The following NOXO1 variants were observed in gnomAD, a reference collection of about 807,000 sequenced individuals.
NOXO1 encodes NADPH oxidase organizer 1, also known as NADPH oxidase regulatory protein.
NOXO1 carries 38 observed loss-of-function variants against 33.3 expected under a neutral mutation model. The observed-to-expected ratio is 1.14, with a 90% confidence interval of 0.88 to 1.50. The LOEUF (loss-of-function observed/expected upper bound fraction) is 1.50, where lower values mean the gene tolerates loss of function less well. Among genes scored for constraint, NOXO1 ranks in the 40% most tolerant of loss-of-function variants. The pLI is 0.00. For missense variants in NOXO1, 675 were observed against 527.1 expected, an observed-to-expected ratio of 1.28 and a Z score of -2.75; for synonymous variants, 302 against 237.3, an observed-to-expected ratio of 1.27 and a Z score of -2.51.
At chr16:1,979,657 C>G in intron 6 of NOXO1, 115 bp from the exon 7 acceptor site, 3 of 1,202,656 alleles carry the variant, frequency 2.5e-6, no homozygotes, top group Non-Finnish European at 3.5e-6. Flanking sequence ...GCTCTAAGAC[C>G]GGTTCGGGGC....
intron 6 of NOXO1, 104 bp downstream of exon 6, chr16:1,979,686 C>T (rs2083457787): frequency 8.4e-7 from 1 of 1,196,418 alleles, no homozygotes; most frequent in African/African-American, 1.5e-5. Context: ...GGTGCGGAGA[C>T]CAAGCACGGG....
In NOXO1 at chr16:1,980,708, C is replaced by T. The variant is rs750823818; in HGVS notation, c.171G>A (p.Pro57=). 9 of 1,605,432 alleles carry T rather than the reference C, an allele frequency of 5.6e-6. No homozygotes were observed. Among genetic ancestry groups the T allele is most frequent in the Non-Finnish European group, 8.5e-7 (1 of 1,176,418 alleles). The change falls in exon 3 of 8, where the codon CCG becomes CCA. Residue 57 remains proline, a synonymous_variant. Coordinates refer to ENST00000356120, the MANE Select transcript of NOXO1 (RefSeq NM_172167.3). Reference sequence around the variant, plus strand: ...ATCTCCGCAGCAGGCCCGCCTCCACCGGGAAGGTCTCCTTGAGGGTCTTCT... The same window carrying T: ...ATCTCCGCAGCAGGCCCGCCTCCACTGGGAAGGTCTCCTTGAGGGTCTTCT... The part of the protein sequence containing the change: ...QLKKTLKETF[P]VEAGLLRRSD...
chr16:1,980,283 A>G, intron 4 of NOXO1, 84 bp downstream of exon 4: 3 of 1,518,720 alleles, frequency 2.0e-6, no homozygotes, highest in Middle Eastern at 4.8e-4. Flanking sequence ...CTCTGCCCCT[A>G]TTCGCTGGCT....
chr16:1,979,731 C>T (rs2083458728), intron 6 of NOXO1, 59 bp downstream of exon 6: 3 of 1,358,732 alleles, frequency 2.2e-6, no homozygotes, highest in South Asian at 2.8e-5. Context: ...GCTTCTGGCC[C>T]AGTCTTGCCA....
At chr16:1,979,763 G>C (rs2083459232) in intron 6 of NOXO1, 27 bp downstream of exon 6, 10 of 1,465,948 alleles carry the variant, frequency 6.8e-6, no homozygotes, top group Non-Finnish European at 9.2e-6. Flanking sequence ...CGCAGTGGTG[G>C]CGTGAGGGGT....
rs1469468381 is a variant in NOXO1 at position 1,980,920 on chromosome 16, G to A, written c.147+19C>T. 1.9e-6 allele frequency: 3 copies of A among 1,608,392 alleles called. No individual in the cohort carries two copies. Among genetic ancestry groups the A allele is most frequent in the Admixed American group, 1.7e-5 (1 of 59,986 alleles). On this transcript the variant is annotated intron_variant, in intron 2 of 7. Coordinates refer to ENST00000356120, the MANE Select transcript of NOXO1 (RefSeq NM_172167.3). ...GGGAAGCCGCCACCGCGGCATCAGGGTGGCCCAGGGTCACTCACCTTGAGC... is the reference window on the plus strand; with the variant it reads ...GGGAAGCCGCCACCGCGGCATCAGGATGGCCCAGGGTCACTCACCTTGAGC...
rs374290560 is a variant in NOXO1 at position 1,980,018 on chromosome 16, C to G, written c.565G>C (p.Val189Leu). The G allele has an allele frequency of 5.0e-6, 8 of 1,605,728 alleles. No individual in the cohort carries two copies. In the African/African-American group the frequency reaches 9.3e-5, roughly 19 times the overall value. The change falls in exon 5 of 8, where the codon GTG (valine) becomes CTG (leucine). Residue 189 changes from valine to leucine, a missense_variant. Val to Leu is a conservative substitution (Grantham distance 32). Coordinates refer to ENST00000356120, the MANE Select transcript of NOXO1 (RefSeq NM_172167.3). ...CTACCTGAGGGGTGCCGCAGCAGCA[C>G]GTCCAGGCTCTCCTGGGCCTGCGCC... ...FQAQAQESLD[V>L]LLRHPSGWWL...
chr16:1,979,776 G>A lies in NOXO1; in HGVS notation c.700+14C>T, dbSNP rs1424004505. ...GCCGCAGTGGTGGCGTGAGGGGTGG[G>A]GTTAGGCGCATACCGCTGCTCCCTA... is the stretch of plus-strand genomic sequence containing the variant. On this transcript the variant is annotated intron_variant, in intron 6 of 7. Coordinates refer to ENST00000356120, the MANE Select transcript of NOXO1 (RefSeq NM_172167.3). 2.6e-6 allele frequency: 4 copies of A among 1,512,194 alleles called. No individual in the cohort carries two copies. Among genetic ancestry groups the A allele is most frequent in the Non-Finnish European group, 3.6e-6 (4 of 1,123,744 alleles). 93.7% of individuals were successfully genotyped at this position (1,512,194 alleles called of 1,614,324 possible).
At position 1,979,297 on chromosome 16, in the gene NOXO1, G is replaced by GCC; in HGVS notation, c.869_870dup (p.Leu291GlyfsTer6). ...CCCGTCCCGCTCAGGAGAGCGCCCA[G>GCC]CCCTTCCGGCCGCAGCAGCACCGCG... On this transcript the variant is annotated frameshift_variant, in exon 8 of 8. Transcript: ENST00000356120. LOFTEE classifies it low-confidence loss of function (END_TRUNC). 1 of 1,564,382 alleles carries GCC rather than the reference G, an allele frequency of 6.4e-7. No homozygotes were observed. The highest frequency in any genetic ancestry group is 8.6e-7 in the Non-Finnish European group (1 of 1,162,790).
At chr16:1,980,816 G>A (rs1567332160) in intron 2 of NOXO1, 85 bp from the exon 3 acceptor site, 2 of 1,484,030 alleles carry the variant, frequency 1.3e-6, no homozygotes, top group South Asian at 2.4e-5. Flanking sequence ...GATGGCAGGG[G>A]CTGGGAGCTT....
intron 4 of NOXO1, 66 bp from the exon 5 acceptor site, chr16:1,980,247 C>T: frequency 3.9e-6 from 6 of 1,524,630 alleles, no homozygotes; most frequent in Non-Finnish European, 4.4e-6. Flanking sequence ...GGGGCGCCAC[C>T]CCGGCAAGAC....
Position 1,981,438 on chromosome 16 carries a change from T to G in NOXO1, c.-259A>C. 1.2e-6 allele frequency: 1 copy of G among 860,922 alleles called. No homozygotes were observed. The allele number at this position is 860,922 out of a possible 1,614,324, so 53.3% of individuals were successfully genotyped here. On this transcript the variant is annotated 5_prime_UTR_variant, in exon 1 of 8. Coordinates refer to ENST00000356120, the MANE Select transcript of NOXO1 (RefSeq NM_172167.3). ...GAGCTGCTGGGAGGAAGAAGAAGAA[T>G]GAGCTTTCCAGCCCTGGAGGCGTGC... is the stretch of plus-strand genomic sequence containing the variant.
At position 1,980,176 on chromosome 16, in the gene NOXO1, AC is replaced by A. The variant is rs1277622717; in HGVS notation, c.406del (p.Val136Ter). 6.3e-7 allele frequency: 1 copy of A among 1,598,592 alleles called. No individual in the cohort carries two copies. Among genetic ancestry groups the A allele is most frequent in the Non-Finnish European group, 8.5e-7 (1 of 1,175,628 alleles). On this transcript the variant is annotated frameshift_variant, in exon 5 of 8. Transcript: ENST00000356120. LOFTEE classifies it high-confidence loss of function. ...CTGCTCCTCTGGGGTGGGCAGGATC[AC>A]CCGGCTGGGAAGGGCAGCCCGTACG... Reference protein sequence around the residue: ...LEPALPPGSRVILPTPEEQPL... With the variant: ...LEPALPPGSRXILPTPEEQPL...
chr16:1,978,923 A>T lies in NOXO1; in HGVS notation c.*129T>A. On this transcript the variant is annotated 3_prime_UTR_variant, in exon 8 of 8. Coordinates refer to ENST00000356120, the MANE Select transcript of NOXO1 (RefSeq NM_172167.3). ...CACGCTTAGACGGTGGGGGTCATGC[A>T]GAACAAGCTTTACTCAGAGGAACAG... is the stretch of plus-strand genomic sequence containing the variant. The T allele has an allele frequency of 8.9e-7, 1 of 1,125,262 alleles. No individual in the cohort carries two copies. The highest frequency in any genetic ancestry group is 1.2e-6 in the Non-Finnish European group (1 of 800,842). 69.7% of individuals were successfully genotyped at this position (1,125,262 alleles called of 1,614,324 possible). A position where few individuals can be genotyped will look rare whatever the true frequency, so the allele number is the denominator to read the frequency against.
rs1472147274 is a variant in NOXO1, at chr16:1,979,772, G to A, written c.700+18C>T. 3.3e-5 allele frequency: 50 copies of A among 1,495,088 alleles called. No individual in the cohort carries two copies. Among genetic ancestry groups the A allele is most frequent in the Non-Finnish European group, 4.4e-5 (49 of 1,112,756 alleles). The allele number at this position is 1,495,088 out of a possible 1,614,324, so 92.6% of individuals were successfully genotyped here. On this transcript the variant is annotated intron_variant, in intron 6 of 7. Transcript: ENST00000356120. ...TCAAGCCGCAGTGGTGGCGTGAGGG[G>A]TGGGGTTAGGCGCATACCGCTGCTC...
Position 1,981,341 on chromosome 16 carries a change from T to C in NOXO1, c.-162A>G. On this transcript the variant is annotated 5_prime_UTR_variant, in exon 1 of 8. Coordinates refer to ENST00000356120, the MANE Select transcript of NOXO1 (RefSeq NM_172167.3). ...GTGGAGCCGCCCCAGCTGAGTCCTT[T>C]GCAGCTTTCTTGCTGTCCCCCAAGC... The C allele has an allele frequency of 7.0e-7, 1 of 1,435,382 alleles. No homozygotes were observed. Among genetic ancestry groups the C allele is most frequent in the African/African-American group, 1.4e-5 (1 of 69,834 alleles). 88.9% of individuals were successfully genotyped at this position (1,435,382 alleles called of 1,614,324 possible). A position where few individuals can be genotyped will look rare whatever the true frequency, so the allele number is the denominator to read the frequency against.
rs2083451429 is a variant in NOXO1 at position 1,979,459 on chromosome 16, A to G, written c.784T>C (p.Leu262=). 2.5e-6 allele frequency: 4 copies of G among 1,611,364 alleles called. No individual in the cohort carries two copies. The highest frequency in any genetic ancestry group is 3.3e-5 in the Admixed American group (2 of 59,932). ...SVPAGARVRV[L]ETSDRGWWLC... ...CACCAGCCGCGGTCTGACGTTTCCA[A>G]CACGCGCACGCGCGCCCCCGCGGGC... Residue 262 remains leucine, a synonymous_variant, in exon 7 of 8, where the codon TTG becomes CTG. Coordinates refer to ENST00000356120, the MANE Select transcript of NOXO1 (RefSeq NM_172167.3).
chr16:1,981,337 C>T lies in NOXO1; in HGVS notation c.-158G>A. ...CCTTGTGGAGCCGCCCCAGCTGAGT[C>T]CTTTGCAGCTTTCTTGCTGTCCCCC... On this transcript the variant is annotated 5_prime_UTR_variant, in exon 1 of 8. Transcript: ENST00000356120. 1.4e-6 allele frequency: 2 copies of T among 1,437,802 alleles called. No individual in the cohort carries two copies. The highest frequency in any genetic ancestry group is 2.5e-5 in the East Asian group (1 of 40,018). The allele number at this position is 1,437,802 out of a possible 1,614,324, so 89.1% of individuals were successfully genotyped here.
chr16:1,981,342 G>C lies in NOXO1; in HGVS notation c.-163C>G, dbSNP rs544799722. On this transcript the variant is annotated 5_prime_UTR_variant, in exon 1 of 8. Transcript: ENST00000356120. ...TGGAGCCGCCCCAGCTGAGTCCTTT[G>C]CAGCTTTCTTGCTGTCCCCCAAGCC... The C allele has an allele frequency of 3.5e-6, 5 of 1,435,424 alleles. No individual in the cohort carries two copies. The East Asian group carries it at 1.3e-4, about 36-fold the overall frequency. The allele number at this position is 1,435,424 out of a possible 1,614,324, so 88.9% of individuals were successfully genotyped here.
Sources: gnomAD v4.1 joint callset for allele counts on GRCh38, gnomAD v4.1.1 for gene constraint, MANE v1.5 for transcripts, NCBI Gene and HGNC (gene_info 2026-07-23, HGNC 2026-07-21) for gene names.